ANKRD31: variants seen among roughly 807,000 people sequenced by gnomAD.
ANKRD31 encodes the protein ankyrin repeat domain-containing protein 31.
A neutral mutation model predicts 186.0 loss-of-function variants in ANKRD31; 147 were observed. The ratio of observed to expected loss-of-function variants is 0.79; its 90% CI spans 0.69 to 0.91. The LOEUF is 0.91. ANKRD31 is among the 40% of genes least tolerant of loss of function. The probability of loss-of-function intolerance (pLI) is 0.00; values close to 1 mark genes in which losing one functional copy is unlikely to be tolerated. For synonymous variants in ANKRD31, 673 were observed against 736.4 expected (o/e 0.91, Z 1.39); for missense variants, 1,986 against 2,148.8 (o/e 0.92, Z 1.50).
At chr5:75,107,300 C>T (rs979198024) in intron 21 of ANKRD31, among the ~76,000 whole-genome samples, 11 of 151,810 alleles carry the variant, frequency 7.2e-5, no homozygotes, top group Admixed American at 6.6e-4. Context: ...TTTAAGATAC[C>T]GAAATGTTCT....
chr5:75,074,441 G>A (rs1014904154), intron 25 of ANKRD31, among the ~76,000 whole-genome samples: 1 of 152,134 alleles, frequency 6.6e-6, no homozygotes, highest in Non-Finnish European at 1.5e-5. Flanking sequence ...GCAGGAACCT[G>A]CACTTTTGGC....
At chr5:75,120,292 G>A (rs1748655218) in intron 17 of ANKRD31, among the ~76,000 whole-genome samples, 2 of 152,134 alleles carry the variant, frequency 1.3e-5, no homozygotes, top group Admixed American at 6.5e-5. Context: ...CTACTTGAGA[G>A]GTTGAAGCTG....
intron 19 of ANKRD31, among the ~76,000 whole-genome samples, chr5:75,115,981 T>G (rs1276194188): frequency 6.6e-6 from 1 of 151,868 alleles, no homozygotes; most frequent in Non-Finnish European, 1.5e-5. Context: ...GCGGCATTAT[T>G]CACAATAGCA....
Position 75,130,518 on chromosome 5 carries a change from G to A in ANKRD31, c.3876+7338C>T, listed in dbSNP as rs191567634. The stretch of plus-strand genomic sequence containing the variant: ...CATTTTACAGAGAGCTGACTGGTCC[G>A]TTTTGACAGAGTGCTGATTGGTGCA... On this transcript the variant is annotated intron_variant, in intron 17 of 25. Transcript: ENST00000506364. 9.2e-5 allele frequency among the ~76,000 whole-genome samples: 14 copies of A among 152,252 alleles called. No homozygotes were observed. In the East Asian group the frequency reaches 1.7e-3, roughly 19 times the overall value.
chr5:75,103,787 G>A (rs1747106060), intron 22 of ANKRD31, among the ~76,000 whole-genome samples: 1 of 152,148 alleles, frequency 6.6e-6, no homozygotes, highest in Non-Finnish European at 1.5e-5. Context: ...CTTATAAGTG[G>A]GAGCTGAACA....
chr5:75,163,410 AT>A (rs1309030015), intron 11 of ANKRD31, among the ~76,000 whole-genome samples: 15 of 152,148 alleles, frequency 9.9e-5, no homozygotes, highest in Admixed American at 9.8e-4. Flanking sequence ...AACGTGTGCT[AT>A]TTTATTACCC....
intron 23 of ANKRD31, among the ~76,000 whole-genome samples, chr5:75,088,394 A>T (rs1745663834): frequency 6.6e-6 from 1 of 152,266 alleles, no homozygotes; most frequent in Admixed American, 6.5e-5. Context: ...TGCCTAAAAT[A>T]GCAGCCTACT....
At chr5:75,088,030 C>T (rs891880140) in intron 23 of ANKRD31, among the ~76,000 whole-genome samples, 1 of 152,218 alleles carries the variant, frequency 6.6e-6, no homozygotes, top group African/African-American at 2.4e-5. Flanking sequence ...CTAACCATCT[C>T]CTTCCTCTTC....
At position 75,210,763 on chromosome 5, in the gene ANKRD31, A is replaced by G. The variant is rs541655211; in HGVS notation, c.326+65T>C. ...CTAAAACTCTTAAAAATGAATATTCATCTTAGATGTGCAAAATGACAAAAA... is the reference window on the plus strand; with the variant it reads ...CTAAAACTCTTAAAAATGAATATTCGTCTTAGATGTGCAAAATGACAAAAA... On this transcript the variant is annotated intron_variant, in intron 4 of 25. Coordinates refer to ENST00000506364, the MANE Select transcript of ANKRD31 (RefSeq NM_001372053.1). 955 of 1,133,996 alleles carry G rather than the reference A, an allele frequency of 8.4e-4. 14 individuals are homozygous for G. In the South Asian group the frequency reaches 0.015, roughly 18 times the overall value. The allele number at this position is 1,133,996 out of a possible 1,614,324, so 70.2% of individuals were successfully genotyped here. A position where few individuals can be genotyped will look rare whatever the true frequency, so the allele number is the denominator to read the frequency against.
Position 75,137,992 on chromosome 5 carries a change from G to T in ANKRD31, c.3740C>A (p.Thr1247Lys). The T allele has an allele frequency of 6.9e-7, 1 of 1,449,584 alleles. No individual in the cohort carries two copies. Among genetic ancestry groups the T allele is most frequent in the Non-Finnish European group, 9.0e-7 (1 of 1,114,580 alleles). 89.8% of individuals were successfully genotyped at this position (1,449,584 alleles called of 1,614,324 possible). A position where few individuals can be genotyped will look rare whatever the true frequency, so the allele number is the denominator to read the frequency against. ...DVNLNDNAGW[T>K]PLHEASNEGS... ...TTCATTAGATGCCTCATGAAGTGGT[G>T]TCCAACCTAAAAAAAGAAAAAGAAA... The change falls in exon 17 of 26, where the codon ACA becomes AAA. Residue 1247 changes from threonine (T) to lysine (K), a missense_variant. Thr to Lys is a moderately conservative substitution (Grantham distance 78). Transcript: ENST00000506364.
At chr5:75,222,521 G>A (rs750086828) in intron 2 of ANKRD31, among the ~76,000 whole-genome samples, 163 bp from the exon 3 acceptor site, 4 of 151,168 alleles carry the variant, frequency 2.6e-5, no homozygotes, top group African/African-American at 9.8e-5. Flanking sequence ...TGTGCAGAAC[G>A]TGCAGGTTTG....
chr5:75,195,833 C>T lies in ANKRD31; in HGVS notation c.815G>A (p.Cys272Tyr), dbSNP rs927218153. The T allele has an allele frequency of 7.8e-6, 12 of 1,537,146 alleles. No homozygotes were observed. The African/African-American group carries it at 1.4e-4, about 18-fold the overall frequency. Residue 272 changes from cysteine (C) to tyrosine (Y), a missense_variant, in exon 7 of 26, where the codon TGT becomes TAT. Coordinates refer to ENST00000506364, the MANE Select transcript of ANKRD31 (RefSeq NM_001372053.1). ...TGCATCTTCTAGTAAATCTCTATGA[C>T]ATGCCGACCAGGAATTCAAAGGTAT... ...ISIPLNSWSA[C>Y]HRDLLEDAKD...
chr5:75,107,625 C>A lies in ANKRD31; in HGVS notation c.4244-8G>T. ...TCTTTTCAATGTATTGTTCTAGAAA[C>A]ATGACAATAAAAAGTTAGCTAACTG... On this transcript the variant is annotated splice_region_variant and splice_polypyrimidine_tract_variant and intron_variant, in intron 20 of 25. Transcript: ENST00000506364. The A allele has an allele frequency of 6.8e-7, 1 of 1,480,226 alleles. No individual in the cohort carries two copies. 91.7% of individuals were successfully genotyped at this position (1,480,226 alleles called of 1,614,324 possible).
At chr5:75,072,043 A>G (rs1205760965) in intron 25 of ANKRD31, among the ~76,000 whole-genome samples, 2 of 152,192 alleles carry the variant, frequency 1.3e-5, no homozygotes, top group Non-Finnish European at 2.9e-5. Context: ...TGAATTTTCA[A>G]TGTAAAGTTT....
At position 75,104,243 on chromosome 5, in the gene ANKRD31, C is replaced by T. The variant is rs1561423529; in HGVS notation, c.5316G>A (p.Leu1772=). The change falls in exon 22 of 26, where the codon CTG becomes CTA. Residue 1772 remains leucine, a synonymous_variant. Coordinates refer to ENST00000506364, the MANE Select transcript of ANKRD31 (RefSeq NM_001372053.1). Reference sequence around the variant, plus strand: ...TATAGAATACCTGTGTTTTGAATTCCAGAATGTTATTTCCTGGGTTAATTC... The same window carrying T: ...TATAGAATACCTGTGTTTTGAATTCTAGAATGTTATTTCCTGGGTTAATTC... ...LGRINPGNNI[L]EFKTQETTHK... is the part of the protein sequence containing the mutation. The T allele has an allele frequency of 1.3e-6, 2 of 1,503,484 alleles. No homozygotes were observed. Among genetic ancestry groups the T allele is most frequent in the Non-Finnish European group, 1.8e-6 (2 of 1,130,820 alleles). 93.1% of individuals were successfully genotyped at this position (1,503,484 alleles called of 1,614,324 possible).
intron 19 of ANKRD31, among the ~76,000 whole-genome samples, chr5:75,113,757 TAA>T (rs756094691): frequency 6.6e-6 from 1 of 152,206 alleles, no homozygotes; most frequent in Non-Finnish European, 1.5e-5. Flanking sequence ...TGTCATTTAT[TAA>T]ATGCATCAAA....
chr5:75,187,110 T>TTGTGTGTGTGTGTGTGTGTGTGTG (rs57013241), intron 10 of ANKRD31, among the ~76,000 whole-genome samples: 1 of 116,182 alleles, frequency 8.6e-6, no homozygotes, highest in African/African-American at 3.6e-5. Context: ...TGATTCTGTT[T>TTGTGTGTGTGTGTGTGTGTGTGTG]TGTGTGTGTG....
intron 15 of ANKRD31, among the ~76,000 whole-genome samples, chr5:75,141,755 A>G (rs570362357): frequency 1.3e-5 from 2 of 152,192 alleles, no homozygotes; most frequent in East Asian, 3.9e-4. Flanking sequence ...GTGAACTGTG[A>G]TTGTGCCACT....
chr5:75,160,343 A>G (rs1056180045), intron 11 of ANKRD31, among the ~76,000 whole-genome samples: 2 of 152,128 alleles, frequency 1.3e-5, no homozygotes, highest in Non-Finnish European at 2.9e-5. Context: ...AAAATATACT[A>G]AAAAAATCAT....
Sources: gnomAD v4.1 joint callset for allele counts (sites outside exome capture counted in the v4.1 genomes callset) on GRCh38, gnomAD v4.1.1 for gene constraint, MANE v1.5 for transcripts, NCBI Gene and HGNC (gene_info 2026-07-23, HGNC 2026-07-21) for gene names.